SV2B: variants seen among roughly 807,000 people sequenced by gnomAD.
SV2B encodes the protein synaptic vesicle glycoprotein 2B.
A neutral mutation model predicts 73.9 loss-of-function variants in SV2B; 41 were observed. That is an observed-to-expected ratio of 0.56 (90% CI 0.43 to 0.72). SV2B has a LOEUF of 0.72. Among genes scored for constraint, SV2B ranks in the 30% least tolerant of loss-of-function variants. The pLI is 0.00. For synonymous variants in SV2B, 314 were observed against 314.2 expected (o/e 1.00, Z 0.01); for missense variants, 764 against 857.8 (o/e 0.89, Z 1.37).
upstream of SV2B, among the ~76,000 whole-genome samples, chr15:91,099,796 C>T (rs1305333745): frequency 1.3e-5 from 2 of 152,140 alleles, no homozygotes; most frequent in African/African-American, 2.4e-5. Flanking sequence ...TTCCCCTTCC[C>T]GGGAACTTGC....
chr15:91,113,395 G>GT (rs2042091271), intron 1 of SV2B, among the ~76,000 whole-genome samples: 1 of 152,190 alleles, frequency 6.6e-6, no homozygotes, highest in African/African-American at 2.4e-5. Flanking sequence ...CTTAGAGTTT[G>GT]TTTGTTGCAG....
chr15:91,189,987 CAA>C (rs201588497), intron 1 of SV2B, among the ~76,000 whole-genome samples: 1 of 146,406 alleles, frequency 6.8e-6, no homozygotes, highest in Non-Finnish European at 1.5e-5. Flanking sequence ...GACGCCATCT[CAA>C]AAAAAAAGAA....
intron 9 of SV2B, among the ~76,000 whole-genome samples, chr15:91,278,476 G>C (rs1303987853): frequency 3.3e-5 from 5 of 151,692 alleles, no homozygotes; most frequent in African/African-American, 9.7e-5. Flanking sequence ...AGGAGATCGA[G>C]ACCATCCTGG....
chr15:91,226,776 T>A, intron 2 of SV2B, 62 bp downstream of exon 2: 1 of 1,537,772 alleles, frequency 6.5e-7, no homozygotes, highest in African/African-American at 1.4e-5. Context: ...ATTTATCTAG[T>A]ATCTGTCACT....
intron 1 of SV2B, among the ~76,000 whole-genome samples, chr15:91,195,832 C>G (rs1346770137): frequency 6.6e-6 from 1 of 152,166 alleles, no homozygotes; most frequent in Non-Finnish European, 1.5e-5. Context: ...CATAGCAAGT[C>G]CTACATGAAG....
At chr15:91,186,715 T>TG (rs1020462033) in intron 1 of SV2B, among the ~76,000 whole-genome samples, 10 of 152,056 alleles carry the variant, frequency 6.6e-5, no homozygotes, top group African/African-American at 7.2e-5. Flanking sequence ...CAGAAGGCTG[T>TG]GGGGGGTGAG....
chr15:91,269,750 AAGG>A (rs1297548029), intron 9 of SV2B, among the ~76,000 whole-genome samples: 2 of 152,248 alleles, frequency 1.3e-5, no homozygotes, highest in Non-Finnish European at 2.9e-5. Flanking sequence ...GTGCAATAAA[AAGG>A]AGAATATTAT....
rs2042321380 is a variant in SV2B at position 91,121,091 on chromosome 15, T to C, written c.-392+20728T>C. 6.6e-6 allele frequency among the ~76,000 whole-genome samples: 1 copy of C among 152,056 alleles called. No homozygotes were observed. The highest frequency in any genetic ancestry group is 2.4e-5 in the African/African-American group (1 of 41,382). On this transcript the variant is annotated intron_variant, in intron 1 of 12. Coordinates refer to ENST00000394232, the MANE Select transcript of SV2B (RefSeq NM_001323032.3). This position sits in a 1 kb window ranked among gnomAD's most constrained non-coding sequence, Gnocchi z 4.4. ...TTAAGGTGGCAGAGAACTAGTCTTT[T>C]AACACGCTAATTTTTGGTCTTATGT...
rs776697430 is a variant in SV2B at position 91,258,567 on chromosome 15, T to A, written c.918+13T>A. ...GTTTCTGCTAGAGGTGAGTCAGTGC[T>A]TTTCCACCAGGGGGAGAGTGACAAA... On this transcript the variant is annotated intron_variant, in intron 5 of 12. Transcript: ENST00000394232. This position sits in a 1 kb window ranked among gnomAD's most constrained non-coding sequence, Gnocchi z 4.7. The A allele has an allele frequency of 4.5e-5, 72 of 1,612,770 alleles. No homozygotes were observed. Among genetic ancestry groups the A allele is most frequent in the Middle Eastern group, 1.6e-4 (1 of 6,062 alleles).
intron 1 of SV2B, among the ~76,000 whole-genome samples, chr15:91,216,710 A>G (rs1247679625): frequency 6.6e-6 from 1 of 151,170 alleles, no homozygotes; most frequent in African/African-American, 2.4e-5. Flanking sequence ...ACCTCAGGTG[A>G]TCTGCCCGCC....
At position 91,301,749 on chromosome 15, in the gene SV2B, G is replaced by A. The variant is rs932092425; in HGVS notation, c.*9197G>A. On this transcript the variant is annotated 3_prime_UTR_variant, in exon 13 of 13. Transcript: ENST00000394232. The surrounding 1 kb of genome is among the most constrained non-coding windows in gnomAD (Gnocchi z 4.3). Reference sequence around the variant, plus strand: ...TGGATTTCCGGTTTTAAAAGATTTTGGGATATTGGCATTATACCTACCAGC... The same window carrying A: ...TGGATTTCCGGTTTTAAAAGATTTTAGGATATTGGCATTATACCTACCAGC... 6.6e-6 allele frequency among the ~76,000 whole-genome samples: 1 copy of A among 152,146 alleles called. No individual in the cohort carries two copies. Among genetic ancestry groups the A allele is most frequent in the East Asian group, 1.9e-4 (1 of 5,198 alleles).
chr15:91,294,139 A>C lies in SV2B; in HGVS notation c.*1587A>C, dbSNP rs1321026571. On this transcript the variant is annotated 3_prime_UTR_variant, in exon 13 of 13. Coordinates refer to ENST00000394232, the MANE Select transcript of SV2B (RefSeq NM_001323032.3). The surrounding 1 kb of genome is among the most constrained non-coding windows in gnomAD (Gnocchi z 4.1). ...GCAGTGCTCTCAATGGGCAAGTGCC[A>C]CATTTTCCCTGGCAGAGATCTCCAA... is the stretch of plus-strand genomic sequence containing the variant. The C allele has an allele frequency of 6.6e-6, 1 of 152,252 alleles. No individual in the cohort carries two copies. The highest frequency in any genetic ancestry group is 1.5e-5 in the Non-Finnish European group (1 of 68,046). 9.4% of individuals were successfully genotyped at this position (152,252 alleles called of 1,614,324 possible).
chr15:91,259,818 G>T (rs935048523), intron 5 of SV2B, among the ~76,000 whole-genome samples: 1 of 152,046 alleles, frequency 6.6e-6, no homozygotes, highest in African/African-American at 2.4e-5. Flanking sequence ...CAGTTATATC[G>T]AAACAAGGCT....
chr15:91,113,116 AGCCACTAT>A (rs1173214232), intron 1 of SV2B, among the ~76,000 whole-genome samples: 3 of 152,200 alleles, frequency 2.0e-5, no homozygotes, highest in African/African-American at 7.2e-5. Context: ...TTACAGCATG[AGCCACTAT>A]GCCTGACCCA....
At chr15:91,213,104 G>A (rs2045921360) in intron 1 of SV2B, among the ~76,000 whole-genome samples, 2 of 152,100 alleles carry the variant, frequency 1.3e-5, no homozygotes, top group South Asian at 4.1e-4. Flanking sequence ...AGTGAACTGA[G>A]ATCGTGCCAC....
chr15:91,263,969 A>G (rs777627696), intron 6 of SV2B, among the ~76,000 whole-genome samples: 1 of 152,254 alleles, frequency 6.6e-6, no homozygotes, highest in Non-Finnish European at 1.5e-5. Flanking sequence ...GGATTTCCCC[A>G]TGCCTCGAGC....
Position 91,236,684 on chromosome 15 carries a change from C to T in SV2B, c.451+9970C>T, listed in dbSNP as rs939502845. Reference sequence around the variant, plus strand: ...AACAAGCAAGCAAACATATACTCCCCGTAGAACCAAAACCTCCATGCCATT... The same window carrying T: ...AACAAGCAAGCAAACATATACTCCCTGTAGAACCAAAACCTCCATGCCATT... On this transcript the variant is annotated intron_variant, in intron 2 of 12. Transcript: ENST00000394232. This position sits in a 1 kb window ranked among gnomAD's most constrained non-coding sequence, Gnocchi z 4.1. Among the ~76,000 whole-genome samples, 3 of 152,128 alleles carry T rather than the reference C, an allele frequency of 2.0e-5. No individual in the cohort carries two copies. The highest frequency in any genetic ancestry group is 4.4e-5 in the Non-Finnish European group (3 of 68,032).
rs906723361 is a variant in SV2B, at chr15:91,240,440, A to G, written c.452-11379A>G. 6.6e-6 allele frequency among the ~76,000 whole-genome samples: 1 copy of G among 152,130 alleles called. No individual in the cohort carries two copies. Among genetic ancestry groups the G allele is most frequent in the Non-Finnish European group, 1.5e-5 (1 of 68,020 alleles). On this transcript the variant is annotated intron_variant, in intron 2 of 12. Transcript: ENST00000394232. The surrounding 1 kb of genome is among the most constrained non-coding windows in gnomAD (Gnocchi z 4.6). The stretch of plus-strand genomic sequence containing the variant: ...ATTCAGTAGCTCCTTAAAAGAGTCA[A>G]CTTACTCACGGGCTTGTTTACTGAT...
At chr15:91,148,451 G>C (rs766670456) in intron 1 of SV2B, among the ~76,000 whole-genome samples, 1 of 152,088 alleles carries the variant, frequency 6.6e-6, no homozygotes, top group African/African-American at 2.4e-5. Context: ...GCGATGAGGC[G>C]TGCTGTTGGG....
Sources: gnomAD v4.1 joint callset for allele counts (sites outside exome capture counted in the v4.1 genomes callset) on GRCh38, gnomAD v4.1.1 for gene constraint, Gnocchi (gnomAD v3.1) non-coding constraint, MANE v1.5 for transcripts, NCBI Gene and HGNC (gene_info 2026-07-23, HGNC 2026-07-21) for gene names.